Variants in PCNT observed in about 807,000 individuals in gnomAD.
PCNT encodes the protein pericentrin.
Under a neutral mutation model 380.4 loss-of-function variants are expected in PCNT, and 319 were observed. The observed-to-expected ratio is 0.84, with a 90% CI of 0.77 to 0.92. PCNT has a LOEUF of 0.92. Among genes scored for constraint, PCNT ranks in the 40% least tolerant of loss-of-function variants. The pLI, the probability that PCNT is intolerant of heterozygous loss-of-function variation, is 0.00. For synonymous variants in PCNT, 1,845 were observed against 1,735.2 expected, an observed-to-expected ratio of 1.06 and a Z score of -1.57; for missense variants, 4,400 against 4,255.3, an observed-to-expected ratio of 1.03 and a Z score of -0.95.
chr21:46,325,283 CA>C (rs2083341080), intron 1 of PCNT: 1 of 854,006 alleles, frequency 1.2e-6, no homozygotes, highest in Non-Finnish European at 1.4e-6. Flanking sequence ...GCACGGCGGA[CA>C]GGGGACGCGG....
chr21:46,417,184 C>CTTTT (rs71318076), intron 30 of PCNT, among the ~76,000 whole-genome samples: 1,393 of 73,448 alleles, frequency 0.019, 21 homozygotes, highest in Non-Finnish European at 0.025. Flanking sequence ...GGAATGCTTC[C>CTTTT]TTTTTTTTTT....
chr21:46,341,943 C>CT (rs1244294420), intron 3 of PCNT, among the ~76,000 whole-genome samples: 3 of 58,580 alleles, frequency 5.1e-5, no homozygotes, highest in South Asian at 8.9e-4. Flanking sequence ...ATGCTTTTTA[C>CT]TTATTTTTTT....
At chr21:46,340,074 G>A (rs998132698) in intron 3 of PCNT, among the ~76,000 whole-genome samples, 6 of 152,200 alleles carry the variant, frequency 3.9e-5, no homozygotes, top group Non-Finnish European at 7.3e-5. Context: ...ACAGTTCCAC[G>A]TGGCTGGGGA....
intron 13 of PCNT, among the ~76,000 whole-genome samples, chr21:46,362,291 T>G (rs990394488): frequency 6.6e-6 from 1 of 152,136 alleles, no homozygotes; most frequent in African/African-American, 2.4e-5. Flanking sequence ...AGTGAGGGAT[T>G]TGGGATTTCT....
intron 32 of PCNT, among the ~76,000 whole-genome samples, chr21:46,422,440 G>A (rs1031405401): frequency 1.4e-4 from 22 of 152,284 alleles, no homozygotes; most frequent in African/African-American, 4.8e-4. Flanking sequence ...CCTCCCTCCT[G>A]CCTGTGCCCT....
chr21:46,414,631 C>A (rs1420005443), intron 29 of PCNT, among the ~76,000 whole-genome samples: 1 of 147,822 alleles, frequency 6.8e-6, no homozygotes, highest in African/African-American at 2.5e-5. Flanking sequence ...CACACAGCCG[C>A]CCACTCTCCT....
At chr21:46,424,364 AGT>A (rs1381770583) in intron 32 of PCNT, among the ~76,000 whole-genome samples, 1 of 152,146 alleles carries the variant, frequency 6.6e-6, no homozygotes, top group Non-Finnish European at 1.5e-5. Context: ...CCTGGTCCTG[AGT>A]GTGGAGATGG....
At chr21:46,350,504 T>C (rs934823783) in intron 8 of PCNT, among the ~76,000 whole-genome samples, 3 of 152,192 alleles carry the variant, frequency 2.0e-5, no homozygotes, top group African/African-American at 7.2e-5. Flanking sequence ...AGGTCCTCAT[T>C]GGAGGCCTGA....
At chr21:46,372,181 GCACACACAGCACACA>G (rs950535283) in intron 15 of PCNT, among the ~76,000 whole-genome samples, 18 of 145,224 alleles carry the variant, frequency 1.2e-4, no homozygotes, top group Middle Eastern at 4.2e-3. Flanking sequence ...CACAGCACAT[GCACACACAGCACACA>G]CACAGAGAGC....
At chr21:46,437,185 C>T in intron 40 of PCNT, 104 bp downstream of exon 40, 1 of 750,788 alleles carries the variant, frequency 1.3e-6, no homozygotes. Context: ...GTTCTTCCTC[C>T]CTCGCTGCCT....
chr21:46,357,890 T>C lies in PCNT; in HGVS notation c.2154+699T>C, dbSNP rs73373883. Among the ~76,000 whole-genome samples the C allele has an allele frequency of 1.0e-3, 158 of 152,382 alleles. 2 individuals carry two copies. Among genetic ancestry groups the C allele is most frequent in the African/African-American group, 3.7e-3 (153 of 41,596 alleles). ...GGCTCTTCCTGTGCTGTTTTGCACC[T>C]GTGGAAGAGGCACCCTCTGACTCCC... On this transcript the variant is annotated intron_variant, in intron 13 of 46. Coordinates refer to ENST00000359568, the MANE Select transcript of PCNT (RefSeq NM_006031.6).
chr21:46,368,363 A>T (rs1261578767), intron 15 of PCNT, among the ~76,000 whole-genome samples: 5 of 151,766 alleles, frequency 3.3e-5, no homozygotes, highest in Admixed American at 1.3e-4. Flanking sequence ...CAGGAGAATG[A>T]TGTGAACCCG....
At chr21:46,342,061 C>A (rs2083925048) in intron 3 of PCNT, among the ~76,000 whole-genome samples, 1 of 151,906 alleles carries the variant, frequency 6.6e-6, no homozygotes, top group African/African-American at 2.4e-5. Context: ...CATGCCTCAG[C>A]CTCCTGAGGA....
At chr21:46,382,140 C>A (rs1402494751) in intron 16 of PCNT, among the ~76,000 whole-genome samples, 2 of 146,270 alleles carry the variant, frequency 1.4e-5, no homozygotes, top group Non-Finnish European at 3.0e-5. Context: ...GTTGTGCATT[C>A]AGTGGCGGAA....
chr21:46,373,964 G>A (rs1425042916), intron 15 of PCNT, among the ~76,000 whole-genome samples: 1 of 151,986 alleles, frequency 6.6e-6, no homozygotes, highest in Non-Finnish European at 1.5e-5. Flanking sequence ...TCCTGACCTT[G>A]TGATCTGTCC....
intron 14 of PCNT, among the ~76,000 whole-genome samples, chr21:46,365,831 G>A (rs2084905100): frequency 7.2e-6 from 1 of 137,952 alleles, no homozygotes; most frequent in Non-Finnish European, 1.5e-5. Context: ...CTGCCGTGGG[G>A]TTCCGTTCAC....
rs1345877800 is a variant in PCNT, at chr21:46,440,981, A to G, written c.9520A>G (p.Ile3174Val). The G allele has an allele frequency of 2.5e-6, 4 of 1,613,740 alleles. No individual in the cohort carries two copies. The highest frequency in any genetic ancestry group is 3.4e-6 in the Non-Finnish European group (4 of 1,179,730). Residue 3174 changes from isoleucine (I) to valine (V), a missense_variant, in exon 43 of 47, where the codon ATT (isoleucine) becomes GTT (valine). By Grantham distance (29) the Ile-to-Val change is conservative (BLOSUM62 3). Transcript: ENST00000359568. The stretch of plus-strand genomic sequence containing the variant: ...TTCTGAACAAGAAACACTCTCCATG[A>G]TTGCCCATTTGGGGGTATTTCCTTC... ...QDSEQETLSM[I>V]AHLGVFPSKA... is the part of the protein sequence containing the mutation.
chr21:46,402,367 G>C lies in PCNT; in HGVS notation c.4999G>C (p.Gly1667Arg), dbSNP rs1443328979. 1 of 1,611,164 alleles carries C rather than the reference G, an allele frequency of 6.2e-7. No homozygotes were observed. Among genetic ancestry groups the C allele is most frequent in the Non-Finnish European group, 8.5e-7 (1 of 1,177,504 alleles). ...AAAAGAACAGCTAGAAAAGATGAAA[G>C]GTGACTTAGAAAGTAAAAATGAAGA... ...DLKEQLEKMKGDLESKNEEIL... is the reference protein window; with the variant it reads ...DLKEQLEKMKRDLESKNEEIL... The change falls in exon 27 of 47, where the codon GGT becomes CGT. Residue 1667 changes from glycine to arginine, a missense_variant. By Grantham distance (125) the Gly-to-Arg change is moderately radical. Coordinates refer to ENST00000359568, the MANE Select transcript of PCNT (RefSeq NM_006031.6).
At chr21:46,384,787 G>A (rs931346975) in intron 16 of PCNT, among the ~76,000 whole-genome samples, 9 of 144,396 alleles carry the variant, frequency 6.2e-5, no homozygotes, top group Non-Finnish European at 7.8e-5. Flanking sequence ...GTTCAGTGGC[G>A]GAAGTGCATT....
Sources: gnomAD v4.1 joint callset for allele counts (sites outside exome capture counted in the v4.1 genomes callset) on GRCh38, gnomAD v4.1.1 for gene constraint, MANE v1.5 for transcripts, NCBI Gene and HGNC (gene_info 2026-07-23, HGNC 2026-07-21) for gene names.